Variants in RILPL2 observed in about 807,000 individuals in gnomAD.
The protein encoded by RILPL2 is Rab interacting lysosomal protein like 2.
RILPL2 carries 19 observed loss-of-function variants against 22.2 expected under a neutral mutation model. The ratio of observed to expected loss-of-function variants is 0.86; its 90% CI spans 0.60 to 1.25. The LOEUF is 1.25. Among genes scored for constraint, RILPL2 ranks in the 50% most tolerant of loss-of-function variants. The pLI, the probability that RILPL2 is intolerant of heterozygous loss-of-function variation, is 0.00. For missense variants in RILPL2, 243 were observed against 263.6 expected (o/e 0.92, Z 0.54); for synonymous variants, 123 against 111.6 (o/e 1.10, Z -0.64).
At chr12:123,412,686 T>C (rs182648893), downstream of RILPL2, 70 of 152,232 alleles carry the variant, frequency 4.6e-4, no homozygotes, top group African/African-American at 1.5e-3. Context: ...CCAAGGACAA[T>C]AGTGATACCC....
At position 123,423,295 on chromosome 12, in the gene RILPL2, G is replaced by A. The variant is rs374546766; in HGVS notation, c.492-138C>T. The A allele has an allele frequency of 3.7e-4, 201 of 547,366 alleles. 4 individuals are homozygous for A. Among genetic ancestry groups the A allele is most frequent in the South Asian group, 3.1e-3 (134 of 42,936 alleles). 33.9% of individuals were successfully genotyped at this position (547,366 alleles called of 1,614,324 possible). A position where few individuals can be genotyped will look rare whatever the true frequency, so the allele number is the denominator to read the frequency against. On this transcript the variant is annotated intron_variant, in intron 2 of 3. Transcript: ENST00000280571. ...CAGCTCACTGCAACCTCCGCCTCCC[G>A]GGTTCAAGTGATTCTCCTGCCTCTG...
chr12:123,429,257 T>C (rs1593493544), intron 2 of RILPL2, among the ~76,000 whole-genome samples: 2 of 152,202 alleles, frequency 1.3e-5, no homozygotes, highest in South Asian at 4.1e-4. Flanking sequence ...CCCTAAGTGC[T>C]GGGATGTAAC....
chr12:123,413,190 C>T (rs1879019595), downstream of RILPL2: 2 of 162,042 alleles, frequency 1.2e-5, no homozygotes, highest in Admixed American at 6.5e-5. Flanking sequence ...AGCAAGACTC[C>T]GTCCCCACCA....
At chr12:123,432,801 C>T (rs548669721) in intron 1 of RILPL2, among the ~76,000 whole-genome samples, 5 of 152,294 alleles carry the variant, frequency 3.3e-5, no homozygotes, top group African/African-American at 9.6e-5. Flanking sequence ...AGCAATCCCC[C>T]GCAAGTCAGT....
chr12:123,432,102 G>A (rs1879669459), intron 1 of RILPL2, among the ~76,000 whole-genome samples: 1 of 151,864 alleles, frequency 6.6e-6, no homozygotes, highest in Non-Finnish European at 1.5e-5. Context: ...CACCATGTTG[G>A]CCAGGCTGGT....
intron 1 of RILPL2, among the ~76,000 whole-genome samples, chr12:123,433,657 C>A (rs1879712845): frequency 6.6e-6 from 1 of 152,144 alleles, no homozygotes; most frequent in Non-Finnish European, 1.5e-5. Context: ...AGCGATCTGC[C>A]TGCCTCGACC....
chr12:123,430,738 G>A, intron 1 of RILPL2, 79 bp from the exon 2 acceptor site: 1 of 1,065,808 alleles, frequency 9.4e-7, no homozygotes, highest in African/African-American at 1.7e-5. Flanking sequence ...TTTAGAAGGA[G>A]TCTCTGTTGC....
At chr12:123,419,627 A>G (rs1169318812) in intron 3 of RILPL2, among the ~76,000 whole-genome samples, 2 of 134,798 alleles carry the variant, frequency 1.5e-5, no homozygotes, top group Non-Finnish European at 3.1e-5. Flanking sequence ...TTTTTTTGAG[A>G]TGGAGTCTTG....
At chr12:123,416,505 G>A (rs1323531204) in intron 3 of RILPL2, among the ~76,000 whole-genome samples, 3 of 151,744 alleles carry the variant, frequency 2.0e-5, no homozygotes, top group East Asian at 3.9e-4. Context: ...CGGGTGTGGT[G>A]GCGGGCGCCT....
At chr12:123,423,844 A>G (rs913615855) in intron 2 of RILPL2, among the ~76,000 whole-genome samples, 73 of 151,582 alleles carry the variant, frequency 4.8e-4, no homozygotes, top group African/African-American at 1.6e-3. Context: ...TAGTAGAGAC[A>G]GGGTTTCACT....
chr12:123,427,575 C>T (rs1269524217), intron 2 of RILPL2, among the ~76,000 whole-genome samples: 1 of 151,862 alleles, frequency 6.6e-6, no homozygotes, highest in Admixed American at 6.6e-5. Flanking sequence ...TACAGTCTCG[C>T]TCTGTCACCC....
intron 3 of RILPL2, among the ~76,000 whole-genome samples, chr12:123,419,350 T>C (rs146863247): frequency 6.6e-6 from 1 of 152,192 alleles, no homozygotes; most frequent in Non-Finnish European, 1.5e-5. Context: ...AGAATCTGAA[T>C]TTTACACAAG....
At chr12:123,426,992 G>C (rs1259599980) in intron 2 of RILPL2, among the ~76,000 whole-genome samples, 2 of 150,664 alleles carry the variant, frequency 1.3e-5, no homozygotes, top group African/African-American at 2.4e-5. Flanking sequence ...CTATTCACGG[G>C]TGCAATCACT....
chr12:123,419,476 C>T (rs766385233), intron 3 of RILPL2, among the ~76,000 whole-genome samples: 2 of 152,114 alleles, frequency 1.3e-5, no homozygotes, highest in African/African-American at 2.4e-5. Flanking sequence ...TGCTGGGACA[C>T]GGCTCATTCA....
chr12:123,417,525 C>A (rs1354343334), intron 3 of RILPL2, among the ~76,000 whole-genome samples: 1 of 152,146 alleles, frequency 6.6e-6, no homozygotes, highest in Non-Finnish European at 1.5e-5. Flanking sequence ...CCCCTCCCAC[C>A]TCTCCAATCC....
intron 2 of RILPL2, among the ~76,000 whole-genome samples, chr12:123,424,567 G>A (rs1040431113): frequency 2.6e-5 from 4 of 152,146 alleles, no homozygotes; most frequent in African/African-American, 7.2e-5. Flanking sequence ...CCGACCTCAG[G>A]TGATCCACCC....
chr12:123,409,624 C>T, the RILPL2 span, among the ~76,000 whole-genome samples: 2 of 150,604 alleles, frequency 1.3e-5, no homozygotes, highest in East Asian at 1.9e-4. Flanking sequence ...CTCACTGCAA[C>T]CTCCAACCTC....
chr12:123,409,395 C>A, the RILPL2 span: 4 of 152,500 alleles, frequency 2.6e-5, no homozygotes, highest in Non-Finnish European at 5.9e-5. Flanking sequence ...TTGACTGTGT[C>A]ACACCAGCAT....
chr12:123,433,253 C>T (rs1224222272), intron 1 of RILPL2, among the ~76,000 whole-genome samples: 4 of 151,104 alleles, frequency 2.6e-5, no homozygotes, highest in Non-Finnish European at 4.4e-5. Context: ...ACTACAGGCA[C>T]GTGCCACCGT....
Sources: gnomAD v4.1 joint callset for allele counts (sites outside exome capture counted in the v4.1 genomes callset) on GRCh38, gnomAD v4.1.1 for gene constraint, MANE v1.5 for transcripts, NCBI Gene and HGNC (gene_info 2026-07-23, HGNC 2026-07-21) for gene names.